The following PLA2G4E variants were observed in gnomAD, a reference collection of about 807,000 sequenced individuals.
PLA2G4E encodes the protein phospholipase A2 group IVE.
A neutral mutation model predicts 109.1 loss-of-function variants in PLA2G4E; 84 were observed. The ratio of observed to expected loss-of-function variants is 0.77; its 90% CI spans 0.65 to 0.92. The LOEUF (loss-of-function observed/expected upper bound fraction) is 0.92, where lower values mean the gene tolerates loss of function less well. Ranked by LOEUF, PLA2G4E falls within the 40% of genes least tolerant of loss-of-function variation. The pLI, the probability that PLA2G4E is intolerant of heterozygous loss-of-function variation, is 0.00. For synonymous variants in PLA2G4E, 469 were observed against 436.1 expected, an observed-to-expected ratio of 1.08 and a Z score of -0.94; for missense variants, 1,057 against 1,076.6, an observed-to-expected ratio of 0.98 and a Z score of 0.25.
chr15:42,027,519 G>A (rs983961962), intron 1 of PLA2G4E, among the ~76,000 whole-genome samples: 6 of 152,190 alleles, frequency 3.9e-5, no homozygotes, highest in Admixed American at 2.6e-4. Flanking sequence ...ATTGCCTAAC[G>A]GATCTCCCTG....
Position 41,988,157 on chromosome 15 carries a change from C to T in PLA2G4E, c.1724-1G>A, listed in dbSNP as rs754122436. On this transcript the variant is annotated splice_acceptor_variant, in intron 15 of 19. Coordinates refer to ENST00000399518, the Ensembl canonical transcript of PLA2G4E. LOFTEE classifies it high-confidence loss of function. Reference sequence around the variant, plus strand: ...AGGGAGAAGATGCTGCTCCACAGGCCTGGGAGCCAGGGCCAGCGTGAGCAG... The same window carrying T: ...AGGGAGAAGATGCTGCTCCACAGGCTTGGGAGCCAGGGCCAGCGTGAGCAG... The T allele has an allele frequency of 1.3e-6, 2 of 1,589,794 alleles. No homozygotes were observed. The highest frequency in any genetic ancestry group is 1.7e-6 in the Non-Finnish European group (2 of 1,167,218).
At chr15:42,032,138 G>A (rs1889123874) in intron 1 of PLA2G4E, among the ~76,000 whole-genome samples, 1 of 152,192 alleles carries the variant, frequency 6.6e-6, no homozygotes, top group Admixed American at 6.5e-5. Flanking sequence ...AAAGCTTCCT[G>A]AGGGCTCACC....
intron 13 of PLA2G4E, among the ~76,000 whole-genome samples, chr15:41,991,723 C>T (rs1426883710): frequency 4.6e-5 from 7 of 152,154 alleles, no homozygotes; most frequent in Non-Finnish European, 1.0e-4. Flanking sequence ...AAGATGGAAC[C>T]TACTATTATA....
exon 16 of PLA2G4E, chr15:41,988,142 T>C: frequency 6.3e-7 from 1 of 1,599,008 alleles, no homozygotes; most frequent in African/African-American, 1.3e-5. Context: ...AGGGAGAAGA[T>C]GCTGCTCCAC....
exon 16 of PLA2G4E, chr15:41,988,152 C>T (rs764308897): frequency 7.5e-6 from 12 of 1,593,434 alleles, no homozygotes; most frequent in Middle Eastern, 1.6e-4. Context: ...TGCTGCTCCA[C>T]AGGCCTGGGA....
intron 1 of PLA2G4E, among the ~76,000 whole-genome samples, chr15:42,033,186 G>A (rs776642954): frequency 2.0e-5 from 3 of 152,154 alleles, no homozygotes; most frequent in Non-Finnish European, 4.4e-5. Context: ...AGCTCTTGCT[G>A]GAGAATAAAG....
At chr15:41,997,393 C>G (rs1234294123) in intron 10 of PLA2G4E, 134 bp from the exon 11 acceptor site, 5 of 1,021,514 alleles carry the variant, frequency 4.9e-6, no homozygotes, top group Non-Finnish European at 6.7e-6. Flanking sequence ...TGGGTCTCCA[C>G]TTTCCCATCT....
At chr15:42,018,723 C>T (rs564725324) in intron 1 of PLA2G4E, among the ~76,000 whole-genome samples, 2 of 152,276 alleles carry the variant, frequency 1.3e-5, no homozygotes, top group East Asian at 1.9e-4. Flanking sequence ...GTCCCAGCCC[C>T]CTCCCCAGCC....
exon 20 of PLA2G4E, chr15:41,983,879 C>T (rs757508072): frequency 3.7e-6 from 6 of 1,613,410 alleles, no homozygotes; most frequent in East Asian, 2.2e-5. Flanking sequence ...TCAAAGGTGG[C>T]CTCTGTGTAT....
chr15:42,016,416 C>T (rs191340984), intron 1 of PLA2G4E, among the ~76,000 whole-genome samples: 1 of 151,944 alleles, frequency 6.6e-6, no homozygotes, highest in Non-Finnish European at 1.5e-5. Flanking sequence ...TGGCTCACTG[C>T]AACCTCTGCC....
intron 15 of PLA2G4E, among the ~76,000 whole-genome samples, chr15:41,988,979 G>A (rs563461123): frequency 6.6e-6 from 1 of 152,320 alleles, no homozygotes; most frequent in East Asian, 1.9e-4. Flanking sequence ...GGAAGAACTC[G>A]AGTGGGTCCT....
intron 1 of PLA2G4E, among the ~76,000 whole-genome samples, chr15:42,031,062 G>T (rs1889102527): frequency 6.6e-6 from 1 of 152,062 alleles, no homozygotes; most frequent in Non-Finnish European, 1.5e-5. Flanking sequence ...TGACCTCCCT[G>T]GCTCCAGTGA....
exon 3 of PLA2G4E, chr15:42,007,840 G>A (rs1421392512): frequency 6.2e-7 from 1 of 1,607,018 alleles, no homozygotes; most frequent in South Asian, 1.1e-5. Context: ...GCAGCCAGAG[G>A]CTCACAAAAC....
chr15:42,040,454 T>C lies in PLA2G4E; in HGVS notation c.183+10067A>G, dbSNP rs73397889. 7.4e-3 allele frequency among the ~76,000 whole-genome samples: 1,122 copies of C among 152,364 alleles called. 10 individuals are homozygous for C. The highest frequency in any genetic ancestry group is 0.026 in the African/African-American group (1,081 of 41,574). ...AAAATAAATTCCAGATGTACTGGTA[T>C]TGTTTTATCATTATTAGTGAGAAAG... On this transcript the variant is annotated intron_variant, in intron 1 of 19. Coordinates refer to ENST00000399518, the Ensembl canonical transcript of PLA2G4E.
At chr15:42,036,401 C>A (rs1889215745) in intron 1 of PLA2G4E, among the ~76,000 whole-genome samples, 1 of 152,196 alleles carries the variant, frequency 6.6e-6, no homozygotes, top group South Asian at 2.1e-4. Context: ...ACTGGGGATG[C>A]GCTTCTGGGG....
chr15:42,006,731 C>G (rs1210513356), intron 3 of PLA2G4E, among the ~76,000 whole-genome samples: 1 of 152,168 alleles, frequency 6.6e-6, no homozygotes, highest in African/African-American at 2.4e-5. Flanking sequence ...GTGACATGGA[C>G]TAATCTCTGA....
At chr15:41,991,568 A>G (rs1198593636) in intron 13 of PLA2G4E, among the ~76,000 whole-genome samples, 3 of 152,132 alleles carry the variant, frequency 2.0e-5, no homozygotes, top group African/African-American at 7.2e-5. Flanking sequence ...GTTGGAAGCC[A>G]TGTCCCATTC....
intron 1 of PLA2G4E, among the ~76,000 whole-genome samples, chr15:42,043,417 C>A (rs961967940): frequency 2.0e-5 from 3 of 151,306 alleles, no homozygotes; most frequent in Non-Finnish European, 4.4e-5. Context: ...GCCATCCACT[C>A]GGCCTTTCTC....
chr15:42,050,463 A>C (rs1889487359), intron 1 of PLA2G4E: 1 of 1,494,086 alleles, frequency 6.7e-7, no homozygotes. Context: ...ATTCCGAGTC[A>C]GGAAAGTGAG....
Sources: allele counts gnomAD v4.1 joint callset (sites outside exome capture counted in the v4.1 genomes callset), GRCh38; gene constraint gnomAD v4.1.1; transcripts MANE v1.5; gene names NCBI Gene and HGNC (gene_info 2026-07-23, HGNC 2026-07-21).